The following MCTP1 variants were observed in gnomAD, a reference collection of about 807,000 sequenced individuals.
MCTP1 encodes the protein multiple C2 and transmembrane domain-containing protein 1.
In MCTP1, 69 loss-of-function variants were observed where a neutral mutation model predicts 120.6. The observed-to-expected ratio is 0.57, with a 90% CI of 0.47 to 0.70. MCTP1 has a LOEUF of 0.70. Among genes scored for constraint, MCTP1 ranks in the 30% least tolerant of loss-of-function variants. MCTP1 has a pLI of 0.00. For missense variants in MCTP1, 1,203 were observed against 1,248.8 expected, an observed-to-expected ratio of 0.96 and a Z score of 0.55; for synonymous variants, 529 against 493.1, an observed-to-expected ratio of 1.07 and a Z score of -0.96.
intron 17 of MCTP1, among the ~76,000 whole-genome samples, chr5:94,827,933 TTTG>T (rs796184869): frequency 2.4e-4 from 37 of 151,938 alleles, no homozygotes; most frequent in African/African-American, 8.5e-4. Context: ...TTCAGAGGAG[TTTG>T]TTATTACCCA....
chr5:95,077,694 G>A (rs368491020), intron 1 of MCTP1, among the ~76,000 whole-genome samples: 1 of 152,050 alleles, frequency 6.6e-6, no homozygotes, highest in Non-Finnish European at 1.5e-5. Flanking sequence ...AGATGGTCTC[G>A]ATCTCCTGAC....
intron 1 of MCTP1, among the ~76,000 whole-genome samples, chr5:95,194,699 T>A (rs974814844): frequency 1.3e-5 from 2 of 152,044 alleles, no homozygotes; most frequent in Non-Finnish European, 2.9e-5. Context: ...AAACCCCACA[T>A]CCAGGGCAGT....
intron 1 of MCTP1, among the ~76,000 whole-genome samples, chr5:95,266,799 A>G (rs533549703): frequency 4.3e-4 from 66 of 152,286 alleles, no homozygotes; most frequent in Admixed American, 1.6e-3. Context: ...GGCTTGGTAC[A>G]ATTTCTGATC....
chr5:94,953,981 T>C (rs1283639939), intron 2 of MCTP1, among the ~76,000 whole-genome samples: 3 of 75,822 alleles, frequency 4.0e-5, no homozygotes, highest in African/African-American at 1.7e-4. Context: ...TATATGCATA[T>C]ATATACAAAT....
chr5:95,231,646 T>C (rs1754959776), intron 1 of MCTP1, among the ~76,000 whole-genome samples: 1 of 152,156 alleles, frequency 6.6e-6, no homozygotes, highest in South Asian at 2.1e-4. Context: ...GAAGTACAGA[T>C]CTACATAAAG....
chr5:94,812,125 C>T (rs1161031171), intron 17 of MCTP1, among the ~76,000 whole-genome samples: 2 of 151,984 alleles, frequency 1.3e-5, no homozygotes, highest in African/African-American at 2.4e-5. Flanking sequence ...ATCAATTTTC[C>T]AGAATAATTG....
rs61324420 is a variant in MCTP1, at chr5:94,826,772, CTTTTTTTTTTTTTTTTTT to C, written c.2437-27658_2437-27641del. 8.2e-3 allele frequency: 354 copies of C among 43,030 alleles called. 3 individuals are homozygous for C. The highest frequency in any genetic ancestry group is 0.019 in the Admixed American group (43 of 2,228). The allele number at this position is 43,030 out of a possible 1,614,324, so 2.7% of individuals were successfully genotyped here. On this transcript the variant is annotated intron_variant, in intron 17 of 22. Transcript: ENST00000515393. ...TCAGAGAGTAGGGTTGTGACCCCTG[CTTTTTTTTTTTTTTTTTT>C]TTTTTTTTTTTTTTTTGCTTTTCAT...
chr5:95,042,580 T>G (rs928093783), intron 1 of MCTP1, among the ~76,000 whole-genome samples: 1 of 152,238 alleles, frequency 6.6e-6, no homozygotes, highest in Non-Finnish European at 1.5e-5. Context: ...TTGAAATACA[T>G]GCATTGGCTG....
At chr5:95,177,631 G>T (rs1748158620) in intron 1 of MCTP1, among the ~76,000 whole-genome samples, 1 of 152,222 alleles carries the variant, frequency 6.6e-6, no homozygotes, top group Non-Finnish European at 1.5e-5. Context: ...GACATGCAGT[G>T]AAAGGAGTAA....
chr5:94,739,284 T>C (rs564914079), intron 19 of MCTP1: 2 of 152,302 alleles, frequency 1.3e-5, no homozygotes, highest in East Asian at 1.9e-4. Context: ...ACAAACACAT[T>C]AGACAAGAAT....
Position 95,016,275 on chromosome 5 carries a change from C to T in MCTP1, c.838+1092G>A, listed in dbSNP as rs1837089720. On this transcript the variant is annotated intron_variant, in intron 2 of 22. Transcript: ENST00000515393. ...AAGTAATCCTCCCATGTCGGCCTCCCAAAATGCTGGGATTACAGGAATGAG... is the reference window on the plus strand; with the variant it reads ...AAGTAATCCTCCCATGTCGGCCTCCTAAAATGCTGGGATTACAGGAATGAG... 2.0e-5 allele frequency among the ~76,000 whole-genome samples: 3 copies of T among 152,068 alleles called. No homozygotes were observed. The South Asian group carries it at 6.2e-4, about 32-fold the overall frequency.
intron 12 of MCTP1, among the ~76,000 whole-genome samples, chr5:94,885,014 C>T (rs931251549): frequency 1.3e-5 from 2 of 152,114 alleles, no homozygotes; most frequent in African/African-American, 4.8e-5. Context: ...GAAAAAGATA[C>T]ACTTATTTAA....
chr5:95,199,935 C>T (rs530878376), intron 1 of MCTP1, among the ~76,000 whole-genome samples: 6 of 148,682 alleles, frequency 4.0e-5, no homozygotes, highest in Admixed American at 6.7e-5. Flanking sequence ...CCGAGGCAGG[C>T]GGATCACCTG....
At chr5:94,851,367 G>A (rs1260661211) in intron 17 of MCTP1, among the ~76,000 whole-genome samples, 4 of 151,986 alleles carry the variant, frequency 2.6e-5, no homozygotes, top group Admixed American at 1.3e-4. Context: ...TGCCACAAAT[G>A]AGGCCAACAC....
chr5:94,862,328 C>T (rs573180051), intron 17 of MCTP1, among the ~76,000 whole-genome samples: 49 of 151,804 alleles, frequency 3.2e-4, no homozygotes, highest in African/African-American at 1.2e-3. Context: ...GAGTAGCAGA[C>T]CCTGTGGCTT....
chr5:94,768,205 A>G (rs139343760), intron 19 of MCTP1, among the ~76,000 whole-genome samples: 2 of 152,338 alleles, frequency 1.3e-5, no homozygotes, highest in East Asian at 3.9e-4. Context: ...ATCCATATGC[A>G]GAAGAATAAA....
Position 95,162,830 on chromosome 5 carries a change from A to G in MCTP1, c.720+121026T>C, listed in dbSNP as rs1582404722. On this transcript the variant is annotated intron_variant, in intron 1 of 22. Transcript: ENST00000515393. The stretch of plus-strand genomic sequence containing the variant: ...TGTGCTCTTCCCTCAGGATTTACAT[A>G]TAAACCTTACAGCAGCTCTTGGCAC... 3.3e-5 allele frequency among the ~76,000 whole-genome samples: 5 copies of G among 152,324 alleles called. No individual in the cohort carries two copies. The South Asian group carries it at 1.0e-3, about 32-fold the overall frequency.
chr5:95,051,946 T>C (rs1443644162), intron 1 of MCTP1, among the ~76,000 whole-genome samples: 5 of 152,096 alleles, frequency 3.3e-5, no homozygotes, highest in African/African-American at 1.2e-4. Flanking sequence ...TGCTTATTAC[T>C]GGGGTCACAA....
chr5:94,953,450 AGG>A, intron 2 of MCTP1, 89 bp from the exon 3 acceptor site: 2 of 1,057,340 alleles, frequency 1.9e-6, no homozygotes, highest in Non-Finnish European at 2.6e-6. Context: ...AAGTATTTAA[AGG>A]AAGAAAAGTT....
Sources: gnomAD v4.1 joint callset for allele counts (sites outside exome capture counted in the v4.1 genomes callset) on GRCh38, gnomAD v4.1.1 for gene constraint, MANE v1.5 for transcripts, NCBI Gene and HGNC (gene_info 2026-07-23, HGNC 2026-07-21) for gene names.